Variants in KCNT2 observed in about 807,000 individuals in gnomAD.
The protein encoded by KCNT2 is potassium channel subfamily T member 2.
In KCNT2, 67 loss-of-function variants were observed where a neutral mutation model predicts 153.8. The observed-to-expected ratio is 0.44, with a 90% CI of 0.36 to 0.53. KCNT2 has a LOEUF of 0.53. Among genes scored for constraint, KCNT2 ranks in the 20% least tolerant of loss-of-function variants. KCNT2 has a pLI of 0.00. For synonymous variants in KCNT2, 500 were observed against 458.8 expected, an observed-to-expected ratio of 1.09 and a Z score of -1.15; for missense variants, 975 against 1,354.8, an observed-to-expected ratio of 0.72 and a Z score of 4.40.
intron 8 of KCNT2, among the ~76,000 whole-genome samples, chr1:196,457,743 G>A (rs889974825): frequency 8.6e-5 from 13 of 151,896 alleles, no homozygotes; most frequent in African/African-American, 3.1e-4. Flanking sequence ...TTTAGTCAAG[G>A]CTTCTTACCT....
chr1:196,404,479 CTT>C (rs1671669612), intron 12 of KCNT2, among the ~76,000 whole-genome samples: 1 of 151,646 alleles, frequency 6.6e-6, no homozygotes, highest in Admixed American at 6.6e-5. Flanking sequence ...TTTCCTCAGT[CTT>C]TGCATTCTTC....
At chr1:196,285,819 T>A in intron 22 of KCNT2, 61 bp from the exon 23 acceptor site, 1 of 941,374 alleles carries the variant, frequency 1.1e-6, no homozygotes, top group Non-Finnish European at 1.7e-6. Context: ...CATTTCTGCC[T>A]CAGTAAATTG....
intron 13 of KCNT2, among the ~76,000 whole-genome samples, chr1:196,395,473 C>T (rs956265002): frequency 1.6e-4 from 24 of 151,592 alleles, no homozygotes; most frequent in African/African-American, 5.3e-4. Flanking sequence ...ATACCAGTTG[C>T]TTAAAATAGC....
At chr1:196,334,649 T>A (rs781253914) in intron 16 of KCNT2, among the ~76,000 whole-genome samples, 2 of 151,932 alleles carry the variant, frequency 1.3e-5, no homozygotes, top group African/African-American at 4.8e-5. Flanking sequence ...GAACTACTAA[T>A]ATGTTATACT....
Position 196,283,570 on chromosome 1 carries a change from GAC to G in KCNT2, c.2698-1216_2698-1215del, listed in dbSNP as rs1381500064. Among the ~76,000 whole-genome samples the G allele has an allele frequency of 2.8e-4, 43 of 152,138 alleles. 1 individual carries two copies. Among genetic ancestry groups the G allele is most frequent in the Non-Finnish European group, 2.9e-5 (2 of 68,032 alleles). On this transcript the variant is annotated intron_variant, in intron 23 of 27. Transcript: ENST00000294725. The stretch of plus-strand genomic sequence containing the variant: ...GTTGAAAGCTAGAATAGTCTTTACA[GAC>G]ACAGACCATTTTGTTAGTAAGCAAT...
chr1:196,411,464 A>AAAAAAAAAAAAAAAG (rs1672328978), intron 12 of KCNT2, among the ~76,000 whole-genome samples: 1 of 150,022 alleles, frequency 6.7e-6, no homozygotes, highest in African/African-American at 2.5e-5. Flanking sequence ...AAAAAAAAAA[A>AAAAAAAAAAAAAAAG]AAAAACGGCC....
At chr1:196,292,752 A>G (rs1359175625) in intron 22 of KCNT2, among the ~76,000 whole-genome samples, 1 of 147,184 alleles carries the variant, frequency 6.8e-6, no homozygotes, top group Non-Finnish European at 1.5e-5. Context: ...GCGGAACTTG[A>G]AGCGAGTGGA....
chr1:196,263,175 C>CTT (rs540339141), intron 25 of KCNT2, among the ~76,000 whole-genome samples: 23 of 145,162 alleles, frequency 1.6e-4, no homozygotes, highest in Admixed American at 2.8e-4. Flanking sequence ...ATATATAATT[C>CTT]TTTTTTTTTT....
At chr1:196,440,501 T>C (rs1306655062) in intron 8 of KCNT2, among the ~76,000 whole-genome samples, 2 of 152,044 alleles carry the variant, frequency 1.3e-5, no homozygotes, top group Admixed American at 1.3e-4. Context: ...ATACAGAATA[T>C]TTCAAAGAGT....
chr1:196,503,755 T>G (rs1680889148), intron 1 of KCNT2, among the ~76,000 whole-genome samples: 1 of 152,196 alleles, frequency 6.6e-6, no homozygotes, highest in Non-Finnish European at 1.5e-5. Context: ...CACACTAACA[T>G]GCAGTGAAGG....
At chr1:196,563,216 G>T (rs1659650486) in intron 1 of KCNT2, among the ~76,000 whole-genome samples, 2 of 151,750 alleles carry the variant, frequency 1.3e-5, no homozygotes, top group Admixed American at 6.6e-5. Flanking sequence ...TGTTGTTTTG[G>T]TTATTCTCTT....
intron 21 of KCNT2, 47 bp downstream of exon 21, chr1:196,315,845 T>C (rs769344756): frequency 6.5e-7 from 1 of 1,527,076 alleles, no homozygotes; most frequent in African/African-American, 1.4e-5. Flanking sequence ...ATTTTACCAA[T>C]GTTTAGCACA....
chr1:196,408,506 G>C (rs1202556161), intron 12 of KCNT2, among the ~76,000 whole-genome samples: 1 of 151,464 alleles, frequency 6.6e-6, no homozygotes, highest in Non-Finnish European at 1.5e-5. Context: ...ATTCCTCTTT[G>C]CTATTAAATT....
chr1:196,461,380 G>T (rs1677140364), intron 8 of KCNT2, among the ~76,000 whole-genome samples: 1 of 151,486 alleles, frequency 6.6e-6, no homozygotes, highest in Non-Finnish European at 1.5e-5. Flanking sequence ...AACTAAAACA[G>T]GAAATTATAA....
rs180805893 is a variant in KCNT2, at chr1:196,403,532, G to A, written c.1186-4861C>T. The stretch of plus-strand genomic sequence containing the variant: ...CCACAGAATATACAATATAAAGAGT[G>A]AACCCTAATGTAAACTATGGGTTTT... On this transcript the variant is annotated intron_variant, in intron 12 of 27. Coordinates refer to ENST00000294725, the MANE Select transcript of KCNT2 (RefSeq NM_198503.5). Among the ~76,000 whole-genome samples the A allele has an allele frequency of 2.6e-5, 4 of 151,590 alleles. No homozygotes were observed. In the East Asian group the frequency reaches 7.8e-4, roughly 30 times the overall value.
At chr1:196,313,050 G>A (rs1194578146) in intron 21 of KCNT2, among the ~76,000 whole-genome samples, 1 of 151,622 alleles carries the variant, frequency 6.6e-6, no homozygotes, top group East Asian at 2.0e-4. Context: ...ATCAGTGTCA[G>A]TGTGTAGTAG....
intron 12 of KCNT2, among the ~76,000 whole-genome samples, chr1:196,399,614 C>T (rs115987847): frequency 0.034 from 5,112 of 151,692 alleles, 122 homozygotes; most frequent in South Asian, 0.07. Context: ...CAGATAGACA[C>T]GAGGGACTGT....
intron 12 of KCNT2, among the ~76,000 whole-genome samples, chr1:196,416,709 A>T (rs1000074713): frequency 6.6e-6 from 1 of 152,124 alleles, no homozygotes; most frequent in African/African-American, 2.4e-5. Flanking sequence ...AGAAGTTTAG[A>T]TGAAAGTTGA....
At chr1:196,374,852 T>C (rs148681419) in intron 13 of KCNT2, among the ~76,000 whole-genome samples, 27 of 151,934 alleles carry the variant, frequency 1.8e-4, no homozygotes, top group Admixed American at 3.3e-4. Flanking sequence ...TTAGAACAGA[T>C]GATCTGAGAA....
Sources: gnomAD v4.1 joint callset for allele counts (sites outside exome capture counted in the v4.1 genomes callset) on GRCh38, gnomAD v4.1.1 for gene constraint, MANE v1.5 for transcripts, NCBI Gene and HGNC (gene_info 2026-07-23, HGNC 2026-07-21) for gene names.